The following ABCA9 variants were observed in gnomAD, a reference collection of about 807,000 sequenced individuals.
The protein encoded by ABCA9 is ATP-binding cassette sub-family A member 9.
Under a neutral mutation model 205.3 loss-of-function variants are expected in ABCA9, and 183 were observed. The ratio of observed to expected loss-of-function variants is 0.89; its 90% CI spans 0.79 to 1.01. The LOEUF is 1.01. Ranked by LOEUF, ABCA9 falls within the 50% of genes least tolerant of loss-of-function variation. ABCA9 has a pLI of 0.00. For missense variants in ABCA9, 1,805 were observed against 1,912.4 expected, an observed-to-expected ratio of 0.94 and a Z score of 1.05; for synonymous variants, 651 against 683.3, an observed-to-expected ratio of 0.95 and a Z score of 0.74.
rs1487670044 is a variant in ABCA9 at position 69,032,148 on chromosome 17, CA to C, written c.1404del (p.Phe468LeufsTer30). 6.2e-7 allele frequency: 1 copy of C among 1,613,546 alleles called. No homozygotes were observed. The highest frequency in any genetic ancestry group is 8.5e-7 in the Non-Finnish European group (1 of 1,179,790). ...CCACAGAATTCTGGAGACACTGGTTCAAAACAGTCATTAGGTGTAGGATCAG... is the reference window on the plus strand; with the variant it reads ...CCACAGAATTCTGGAGACACTGGTTCAAACAGTCATTAGGTGTAGGATCAG... ...TDSDPTPNDC[F>X]EPVSPEFCGK... is the part of the protein sequence containing the mutation. On this transcript the variant is annotated frameshift_variant, in exon 10 of 39. Coordinates refer to ENST00000340001, the MANE Select transcript of ABCA9 (RefSeq NM_080283.4). LOFTEE classifies it high-confidence loss of function.
chr17:69,012,510 C>G (rs2070417460), intron 22 of ABCA9, among the ~76,000 whole-genome samples: 1 of 149,910 alleles, frequency 6.7e-6, no homozygotes, highest in South Asian at 2.1e-4. Flanking sequence ...ATGTTAGGCA[C>G]TATGTTAAAA....
chr17:69,057,427 AAG>A (rs147825600), intron 1 of ABCA9, among the ~76,000 whole-genome samples: 1,734 of 151,410 alleles, frequency 0.011, 32 homozygotes, highest in African/African-American at 0.04. Context: ...ACAAGAGTGA[AAG>A]AGAGAGAGAG....
intron 37 of ABCA9, among the ~76,000 whole-genome samples, chr17:68,981,749 C>T (rs1419469869): frequency 6.6e-6 from 1 of 150,930 alleles, no homozygotes; most frequent in Non-Finnish European, 1.5e-5. Context: ...ATTGCTTGAA[C>T]CCAGGAGGCA....
intron 34 of ABCA9, 114 bp downstream of exon 34, chr17:68,984,771 A>G: frequency 2.2e-6 from 3 of 1,379,370 alleles, no homozygotes; most frequent in Non-Finnish European, 3.0e-6. Flanking sequence ...TTTTCCTAAA[A>G]TATTGCTTTT....
chr17:69,011,174 A>G (rs1042212461), intron 23 of ABCA9, among the ~76,000 whole-genome samples: 1 of 152,172 alleles, frequency 6.6e-6, no homozygotes, highest in Non-Finnish European at 1.5e-5. Context: ...CTAGTATCTC[A>G]TTTTATAGAC....
chr17:69,058,060 T>A (rs1277894185), intron 1 of ABCA9, among the ~76,000 whole-genome samples: 1 of 152,158 alleles, frequency 6.6e-6, no homozygotes, highest in Non-Finnish European at 1.5e-5. Context: ...CATGAACTAT[T>A]TTAACTGATA....
intron 26 of ABCA9, among the ~76,000 whole-genome samples, chr17:68,994,823 G>C (rs942471974): frequency 6.6e-6 from 1 of 152,120 alleles, no homozygotes; most frequent in Non-Finnish European, 1.5e-5. Context: ...TCATGGACTT[G>C]ACTCATGAGG....
intron 11 of ABCA9, among the ~76,000 whole-genome samples, 188 bp from the exon 12 acceptor site, chr17:69,028,833 T>C (rs1193566970): frequency 2.6e-5 from 4 of 152,238 alleles, no homozygotes; most frequent in Non-Finnish European, 5.9e-5. Flanking sequence ...CAATATGTTA[T>C]TATGCAATTA....
At chr17:69,038,934 G>T (rs9896532) in intron 6 of ABCA9, among the ~76,000 whole-genome samples, 53,065 of 151,852 alleles carry the variant, frequency 0.35, 9,597 homozygotes, top group East Asian at 0.67. Context: ...TAGACAGACT[G>T]CCAAATCATT....
At position 68,990,847 on chromosome 17, in the gene ABCA9, T is replaced by C. The variant is rs375424989; in HGVS notation, c.3827A>G (p.Asp1276Gly). 1.1e-5 allele frequency: 18 copies of C among 1,612,196 alleles called. No individual in the cohort carries two copies. The highest frequency in any genetic ancestry group is 1.7e-5 in the Admixed American group (1 of 59,334). Residue 1276 changes from aspartate to glycine, a missense_variant, in exon 29 of 39, where the codon GAC (aspartate) becomes GGC (glycine). By Grantham distance (94) the Asp-to-Gly change is moderately conservative. Coordinates refer to ENST00000340001, the MANE Select transcript of ABCA9 (RefSeq NM_080283.4). ...MRTVNAMAVR[D>G]FDETPVIIAS... ...ATTTCTGAGTTCTACCTCATCAAAG[T>C]CTCGCACAGCCATAGCATTCACTGT...
chr17:69,020,281 T>C, intron 19 of ABCA9, 107 bp downstream of exon 19: 8 of 1,039,364 alleles, frequency 7.7e-6, no homozygotes, highest in Non-Finnish European at 1.1e-5. Flanking sequence ...TAAAAGACAA[T>C]GTGCATTTAC....
At chr17:69,076,273 T>C in the ABCA9 span, among the ~76,000 whole-genome samples, 2 of 152,166 alleles carry the variant, frequency 1.3e-5, no homozygotes, top group Non-Finnish European at 2.9e-5. Context: ...TCTAGTGATA[T>C]ACTCATATGG....
intron 20 of ABCA9, 50 bp from the exon 21 acceptor site, chr17:69,017,839 T>G (rs1450694745): frequency 6.4e-7 from 1 of 1,572,194 alleles, no homozygotes; most frequent in Non-Finnish European, 8.7e-7. Flanking sequence ...AAAACAATAG[T>G]CAAGTAATAT....
chr17:69,066,357 A>T, the ABCA9 span, among the ~76,000 whole-genome samples: 2 of 152,224 alleles, frequency 1.3e-5, no homozygotes. Context: ...AATGTGAGGT[A>T]GGAAAACAAA....
chr17:69,029,050 T>G, intron 11 of ABCA9, 119 bp downstream of exon 11: 1 of 512,242 alleles, frequency 2.0e-6, no homozygotes, highest in South Asian at 4.3e-5. Flanking sequence ...AAACATAATG[T>G]GTTCAAATAA....
In ABCA9 at chr17:69,000,856, T is replaced by A. The variant is rs866356566; in HGVS notation, c.3436-4842A>T. Among the ~76,000 whole-genome samples the A allele has an allele frequency of 5.9e-3, 868 of 148,028 alleles. 5 individuals are homozygous for A. The highest frequency in any genetic ancestry group is 0.019 in the African/African-American group (725 of 38,258). ...TCCTTCACATCCCTTGTAAGTTGGA[T>A]TCCTAGGTATTTTATTCTCTTTGAA... On this transcript the variant is annotated intron_variant, in intron 25 of 38. Transcript: ENST00000340001.
chr17:68,989,002 C>T (rs372109624), intron 31 of ABCA9, 25 bp downstream of exon 31: 164 of 1,449,986 alleles, frequency 1.1e-4, no homozygotes, highest in Non-Finnish European at 1.5e-4. Context: ...GCACTAATGA[C>T]CATATTCCTG....
intron 23 of ABCA9, among the ~76,000 whole-genome samples, chr17:69,010,636 G>A (rs1324671725): frequency 1.3e-5 from 2 of 152,122 alleles, no homozygotes; most frequent in Non-Finnish European, 1.5e-5. Flanking sequence ...TGCTCTGGTT[G>A]TATGAAAGGA....
At chr17:69,001,934 G>A (rs1465161492) in intron 25 of ABCA9, among the ~76,000 whole-genome samples, 9 of 150,908 alleles carry the variant, frequency 6.0e-5, no homozygotes, top group Admixed American at 5.9e-4. Context: ...TCTGATGGTA[G>A]TTTGTATTTC....
Sources: gnomAD v4.1 joint callset for allele counts (sites outside exome capture counted in the v4.1 genomes callset) on GRCh38, gnomAD v4.1.1 for gene constraint, MANE v1.5 for transcripts, NCBI Gene and HGNC (gene_info 2026-07-23, HGNC 2026-07-21) for gene names.